The following SUCLG2 variants were observed in gnomAD, a reference collection of about 807,000 sequenced individuals.
SUCLG2 encodes succinate-CoA ligase GDP-forming subunit beta.
SUCLG2 carries 42 observed loss-of-function variants against 47.9 expected under a neutral mutation model. The ratio of observed to expected loss-of-function variants is 0.88; its 90% confidence interval spans 0.69 to 1.14. The LOEUF is 1.14. Ranked by LOEUF, SUCLG2 falls within the 50% of genes most tolerant of loss-of-function variation. SUCLG2 has a pLI of 0.00. For missense variants in SUCLG2, 571 were observed against 525.9 expected (o/e 1.09, Z -0.84); for synonymous variants, 195 against 197.3 (o/e 0.99, Z 0.10).
At position 67,461,988 on chromosome 3, in the gene SUCLG2, T is replaced by C. The variant is rs149000612; in HGVS notation, c.1062+33810A>G. 4.5e-3 allele frequency among the ~76,000 whole-genome samples: 682 copies of C among 152,260 alleles called. 4 individuals are homozygous for C. Among genetic ancestry groups the C allele is most frequent in the African/African-American group, 0.016 (651 of 41,546 alleles). On this transcript the variant is annotated intron_variant, in intron 9 of 10. Coordinates refer to ENST00000307227, the MANE Select transcript of SUCLG2 (RefSeq NM_003848.4). ...CGGATGATACAAGCTTCTGAATCTC[T>C]GACTCAGAAATTCAGAATTTAGTTT... is the stretch of plus-strand genomic sequence containing the variant.
chr3:67,537,433 T>C (rs1168958487), intron 2 of SUCLG2, among the ~76,000 whole-genome samples: 1 of 152,234 alleles, frequency 6.6e-6, no homozygotes, highest in Non-Finnish European at 1.5e-5. Context: ...TATTCCATAA[T>C]TTATATGTGC....
chr3:67,536,367 T>C (rs1293248902), intron 2 of SUCLG2, among the ~76,000 whole-genome samples: 1 of 152,236 alleles, frequency 6.6e-6, no homozygotes, highest in African/African-American at 2.4e-5. Flanking sequence ...ATTTTCCTTA[T>C]TTTCTGTTAT....
At chr3:67,392,353 G>A (rs1274048298) in intron 10 of SUCLG2, among the ~76,000 whole-genome samples, 1 of 152,168 alleles carries the variant, frequency 6.6e-6, no homozygotes, top group Non-Finnish European at 1.5e-5. Flanking sequence ...GGAATCCCAT[G>A]CTGCCGTCAA....
intron 10 of SUCLG2, among the ~76,000 whole-genome samples, chr3:67,383,709 C>A (rs566468967): frequency 6.6e-6 from 1 of 152,256 alleles, no homozygotes; most frequent in Admixed American, 6.5e-5. Context: ...AACATATTCA[C>A]TGAGAGCTGA....
At chr3:67,364,980 G>C (rs967550120) in intron 10 of SUCLG2, among the ~76,000 whole-genome samples, 2 of 152,144 alleles carry the variant, frequency 1.3e-5, no homozygotes, top group African/African-American at 4.8e-5. Flanking sequence ...GAACCAAATG[G>C]AAAGTTTATA....
At chr3:67,603,797 T>A (rs1311142892) in intron 2 of SUCLG2, among the ~76,000 whole-genome samples, 1 of 152,236 alleles carries the variant, frequency 6.6e-6, no homozygotes, top group African/African-American at 2.4e-5. Flanking sequence ...TCCAGTTATA[T>A]GAGAGACACA....
At chr3:67,442,382 G>A (rs1330894252) in intron 9 of SUCLG2, among the ~76,000 whole-genome samples, 2 of 152,138 alleles carry the variant, frequency 1.3e-5, no homozygotes, top group Non-Finnish European at 2.9e-5. Context: ...CTGGAACAGC[G>A]GCATCAGTAT....
chr3:67,652,219 T>C (rs994627280), intron 1 of SUCLG2, among the ~76,000 whole-genome samples: 1 of 151,626 alleles, frequency 6.6e-6, no homozygotes, highest in Non-Finnish European at 1.5e-5. Flanking sequence ...AAATGTTAAA[T>C]TTAACCATAG....
At chr3:67,478,400 C>T (rs1446146003) in intron 9 of SUCLG2, among the ~76,000 whole-genome samples, 1 of 152,240 alleles carries the variant, frequency 6.6e-6, no homozygotes, top group Non-Finnish European at 1.5e-5. Flanking sequence ...TGAGAAGGAA[C>T]TGAACAGACC....
chr3:67,502,007 G>C (rs1025744533), intron 7 of SUCLG2, among the ~76,000 whole-genome samples: 1 of 152,166 alleles, frequency 6.6e-6, no homozygotes. Flanking sequence ...GGGGCACAAG[G>C]AGGGAGTCCT....
At chr3:67,582,128 T>A (rs1012815698) in intron 2 of SUCLG2, among the ~76,000 whole-genome samples, 14 of 152,246 alleles carry the variant, frequency 9.2e-5, no homozygotes, top group African/African-American at 3.4e-4. Context: ...AAAAAACTTA[T>A]TTAACATTCA....
intron 9 of SUCLG2, among the ~76,000 whole-genome samples, chr3:67,418,622 A>G (rs982541848): frequency 1.3e-5 from 2 of 152,194 alleles, no homozygotes; most frequent in African/African-American, 4.8e-5. Context: ...CCAAAAGCTA[A>G]CCACAAGATT....
chr3:67,417,719 C>T (rs1424648509), intron 9 of SUCLG2, among the ~76,000 whole-genome samples: 1 of 152,110 alleles, frequency 6.6e-6, no homozygotes, highest in Non-Finnish European at 1.5e-5. Context: ...CCCTTTTCCT[C>T]CAGCAGAGAA....
chr3:67,369,646 T>C (rs1027618086), intron 10 of SUCLG2, among the ~76,000 whole-genome samples: 3 of 152,228 alleles, frequency 2.0e-5, no homozygotes, highest in African/African-American at 7.2e-5. Flanking sequence ...TGCACCATGC[T>C]GTCTCCTCTG....
intron 9 of SUCLG2, among the ~76,000 whole-genome samples, chr3:67,432,157 G>A (rs1425725699): frequency 6.6e-6 from 1 of 152,190 alleles, no homozygotes; most frequent in African/African-American, 2.4e-5. Context: ...ACTACCTTTT[G>A]AAGTACACGC....
At chr3:67,404,968 A>ATT (rs35223699) in intron 9 of SUCLG2, among the ~76,000 whole-genome samples, 1,967 of 134,742 alleles carry the variant, frequency 0.015, 37 homozygotes, top group African/African-American at 0.035. Flanking sequence ...GGCAAAGAGA[A>ATT]TTTTTTTTTT....
At chr3:67,488,817 T>C (rs968690238) in intron 9 of SUCLG2, among the ~76,000 whole-genome samples, 1 of 152,200 alleles carries the variant, frequency 6.6e-6, no homozygotes, top group Non-Finnish European at 1.5e-5. Flanking sequence ...TATACTTTGA[T>C]TCATGGTCCA....
chr3:67,473,190 T>G (rs1704647564), intron 9 of SUCLG2, among the ~76,000 whole-genome samples: 1 of 10,274 alleles, frequency 9.7e-5, no homozygotes, highest in Admixed American at 2.2e-3. Context: ...TTTTATTTAT[T>G]TTTTTTGAGA....
chr3:67,550,251 G>C (rs1222744983), intron 2 of SUCLG2, among the ~76,000 whole-genome samples: 3 of 152,218 alleles, frequency 2.0e-5, no homozygotes, highest in African/African-American at 7.2e-5. Flanking sequence ...TCGTGAAGCA[G>C]AAAGGGGTGA....
Sources: gnomAD v4.1 joint callset for allele counts (sites outside exome capture counted in the v4.1 genomes callset) on GRCh38, gnomAD v4.1.1 for gene constraint, MANE v1.5 for transcripts, NCBI Gene and HGNC (gene_info 2026-07-23, HGNC 2026-07-21) for gene names.